Variants in PKHD1L1 observed in about 807,000 individuals in gnomAD.
The protein encoded by PKHD1L1 is fibrocystin-L.
A neutral mutation model predicts 462.9 loss-of-function variants in PKHD1L1; 434 were observed. That is an observed-to-expected ratio of 0.94 (90% confidence interval 0.87 to 1.02). PKHD1L1 has a LOEUF of 1.02. Among genes scored for constraint, PKHD1L1 ranks in the 50% least tolerant of loss-of-function variants. PKHD1L1 has a pLI of 0.00. For synonymous variants in PKHD1L1, 1,781 were observed against 1,750.0 expected (o/e 1.02, Z -0.44); for missense variants, 5,202 against 5,096.1 (o/e 1.02, Z -0.63).
chr8:109,465,045 T>C lies in PKHD1L1; in HGVS notation c.8213T>C (p.Val2738Ala), dbSNP rs777767619. 1 of 1,613,838 alleles carries C rather than the reference T, an allele frequency of 6.2e-7. No individual in the cohort carries two copies. Among genetic ancestry groups the C allele is most frequent in the Non-Finnish European group, 8.5e-7 (1 of 1,179,808 alleles). ...CTCCCATTTAGTGAAGGCTTGACTG[T>C]CTCTTCTGTGCACTTTATGAACTTT... ...LVLPFSEGLT[V>A]SSVHFMNFDR... The change falls in exon 49 of 78, where the codon GTC becomes GCC. Residue 2738 changes from valine to alanine, a missense_variant. This residue lies in a region of PKHD1L1 where 4,497 missense variants were observed against 4,336.8 expected (regional missense o/e 1.04). Transcript: ENST00000378402.
chr8:109,422,516 C>T (rs1814527226), intron 23 of PKHD1L1, among the ~76,000 whole-genome samples: 1 of 152,152 alleles, frequency 6.6e-6, no homozygotes, highest in Non-Finnish European at 1.5e-5. Flanking sequence ...TTTAACTCAG[C>T]ATAATTCCCT....
In PKHD1L1 at chr8:109,464,234, G is replaced by A. The variant is rs1197009898; in HGVS notation, c.7402G>A (p.Ala2468Thr). 6.3e-7 allele frequency: 1 copy of A among 1,599,354 alleles called. No homozygotes were observed. The highest frequency in any genetic ancestry group is 8.6e-7 in the Non-Finnish European group (1 of 1,168,756). The change falls in exon 49 of 78, where the codon GCT becomes ACT. Residue 2468 changes from alanine to threonine, a missense_variant. Ala to Thr is a moderately conservative substitution (Grantham distance 58). Around this residue, in one of 3 missense-constraint regions of PKHD1L1, gnomAD observed 4,497 missense variants for 4,336.8 expected, o/e 1.04. Transcript: ENST00000378402. ...EYVEVFHAGQ[A>T]FRLGRYPIHW... ...TTAACAGGTATTCCATGCTGGCCAG[G>A]CTTTCCGGTTGGGGCGATATCCAAT...
intron 5 of PKHD1L1, among the ~76,000 whole-genome samples, chr8:109,385,263 T>TC (rs1414987109): frequency 6.6e-6 from 1 of 151,434 alleles, no homozygotes; most frequent in Non-Finnish European, 1.5e-5. Flanking sequence ...TTTTTTTTTT[T>TC]CTCAAATAGT....
intron 50 of PKHD1L1, chr8:109,470,497 C>G (rs1817662630): frequency 6.2e-7 from 1 of 1,610,298 alleles, no homozygotes; most frequent in African/African-American, 1.3e-5. Flanking sequence ...ATCACAGCAA[C>G]TGGCTGGAAA....
chr8:109,460,733 G>T (rs1201660933), intron 47 of PKHD1L1, among the ~76,000 whole-genome samples: 2 of 152,146 alleles, frequency 1.3e-5, no homozygotes, highest in African/African-American at 4.8e-5. Context: ...AGCCCAAAAT[G>T]TCAGTGATTT....
In PKHD1L1 at chr8:109,442,946, G is replaced by GGTTGT; in HGVS notation, c.4394_4395insGTTGT (p.Ser1466LeufsTer74). 6.2e-7 allele frequency: 1 copy of GGTTGT among 1,611,370 alleles called. No homozygotes were observed. Among genetic ancestry groups the GGTTGT allele is most frequent in the Admixed American group, 1.7e-5 (1 of 59,916 alleles). On this transcript the variant is annotated frameshift_variant and splice_region_variant, in exon 36 of 78. Coordinates refer to ENST00000378402, the MANE Select transcript of PKHD1L1 (RefSeq NM_177531.6). LOFTEE classifies it high-confidence loss of function. The stretch of plus-strand genomic sequence containing the variant: ...TACGTACAATCTCATTTTATGGCAG[G>GGTTGT]TTCATTTTCTTACCAATTTACTTCT...
chr8:109,414,254 C>T (rs141617489), intron 21 of PKHD1L1, among the ~76,000 whole-genome samples: 3 of 152,172 alleles, frequency 2.0e-5, no homozygotes, highest in Non-Finnish European at 2.9e-5. Flanking sequence ...CTATTTTATA[C>T]AGTACTCCCC....
At chr8:109,518,627 A>T in intron 73 of PKHD1L1, 119 bp downstream of exon 73, 1 of 780,820 alleles carries the variant, frequency 1.3e-6, no homozygotes, top group African/African-American at 1.8e-5. Context: ...CACATCCTGA[A>T]CCCTCTAAGT....
rs752416189 is a variant in PKHD1L1, at chr8:109,526,980, A to G, written c.12681A>G (p.Glu4227=). The G allele has an allele frequency of 1.1e-5, 18 of 1,613,498 alleles. No individual in the cohort carries two copies. Among genetic ancestry groups the G allele is most frequent in the Admixed American group, 6.7e-5 (4 of 59,948 alleles). The change falls in exon 77 of 78, where the codon GAA becomes GAG. Residue 4227 remains glutamate (E), a synonymous_variant. Transcript: ENST00000378402. ...SCLVGRMWLL[E]IFMAAVSTLN... ...TGGTTGGAAGAATGTGGCTCTTGGA[A>G]ATATTTATGGCTGCAGTTTCAACTT...
chr8:109,501,021 A>G (rs1486395351), intron 67 of PKHD1L1, among the ~76,000 whole-genome samples: 1 of 152,198 alleles, frequency 6.6e-6, no homozygotes, highest in Non-Finnish European at 1.5e-5. Context: ...TAGTATTGGA[A>G]GCACAAGTTT....
chr8:109,520,507 T>A (rs1783171), intron 73 of PKHD1L1, among the ~76,000 whole-genome samples: 1 of 151,888 alleles, frequency 6.6e-6, no homozygotes, highest in Non-Finnish European at 1.5e-5. Flanking sequence ...TCCAGACAGG[T>A]ATAAGACCAC....
rs530032785 is a variant in PKHD1L1, at chr8:109,451,209, G to A, written c.6350+60G>A. 3.3e-6 allele frequency: 5 copies of A among 1,493,092 alleles called. No individual in the cohort carries two copies. In the African/African-American group the frequency reaches 4.1e-5, roughly 12 times the overall value. 92.5% of individuals were successfully genotyped at this position (1,493,092 alleles called of 1,614,324 possible). A position where few individuals can be genotyped will look rare whatever the true frequency, so the allele number is the denominator to read the frequency against. On this transcript the variant is annotated intron_variant, in intron 41 of 77. Transcript: ENST00000378402. ...TTTCCAGACTTGAGCCATTACTCCTGCTTTCTCCTATGCCCGGACAGTGCA... is the reference window on the plus strand; with the variant it reads ...TTTCCAGACTTGAGCCATTACTCCTACTTTCTCCTATGCCCGGACAGTGCA...
At chr8:109,519,911 G>T (rs1208686454) in intron 73 of PKHD1L1, among the ~76,000 whole-genome samples, 1 of 152,088 alleles carries the variant, frequency 6.6e-6, no homozygotes, top group Non-Finnish European at 1.5e-5. Context: ...CAGGCTCTGT[G>T]TAAACCTGGG....
At chr8:109,404,864 A>T (rs1243029778) in intron 15 of PKHD1L1, 131 bp from the exon 16 acceptor site, 6 of 1,130,100 alleles carry the variant, frequency 5.3e-6, no homozygotes, top group Non-Finnish European at 7.3e-6. Context: ...TTGTACGATA[A>T]GCCAAAAAGG....
chr8:109,521,893 G>A (rs1432266686), intron 73 of PKHD1L1, among the ~76,000 whole-genome samples: 1 of 152,120 alleles, frequency 6.6e-6, no homozygotes, highest in East Asian at 1.9e-4. Context: ...GTAGGAGAAA[G>A]TATTAAATTA....
At chr8:109,416,458 C>T (rs979160680) in intron 21 of PKHD1L1, among the ~76,000 whole-genome samples, 1 of 152,166 alleles carries the variant, frequency 6.6e-6, no homozygotes, top group Admixed American at 6.6e-5. Context: ...TCAATTCTTC[C>T]AATCCATGAA....
At chr8:109,403,688 G>A (rs1231361584) in intron 14 of PKHD1L1, among the ~76,000 whole-genome samples, 6 of 152,010 alleles carry the variant, frequency 3.9e-5, no homozygotes, top group Admixed American at 3.3e-4. Context: ...GTTCCATTGG[G>A]CAATGATCCA....
In PKHD1L1 at chr8:109,530,080, G is replaced by T. The variant is rs1419148671; in HGVS notation, c.12722G>T (p.Arg4241Ile). The change falls in exon 78 of 78, where the codon AGA becomes ATA. Residue 4241 changes from arginine to isoleucine, a missense_variant and splice_region_variant. Physicochemically the swap from Arg to Ile is moderately conservative, Grantham distance 97 (BLOSUM62 -3). Around this residue, in one of 3 missense-constraint regions of PKHD1L1, gnomAD observed 698 missense variants for 736.3 expected, o/e 0.95. Transcript: ENST00000378402. ...AAVSTLNITL[R>I]SY is the part of the protein sequence containing the mutation. The stretch of plus-strand genomic sequence containing the variant: ...GTTTTGTATTGTTTCCATTTTTCAG[G>T]AAGCTACTAAAGTGCTGTTCCGAAG... The T allele has an allele frequency of 2.2e-6, 3 of 1,355,644 alleles. No homozygotes were observed. In the African/African-American group the frequency reaches 4.6e-5, roughly 21 times the overall value. The allele number at this position is 1,355,644 out of a possible 1,614,324, so 84.0% of individuals were successfully genotyped here.
intron 22 of PKHD1L1, among the ~76,000 whole-genome samples, chr8:109,420,200 C>A (rs1444589536): frequency 6.6e-6 from 1 of 152,146 alleles, no homozygotes; most frequent in Non-Finnish European, 1.5e-5. Flanking sequence ...AGCTAACTAA[C>A]CACAGAAGGC....
Sources: gnomAD v4.1 joint callset for allele counts (sites outside exome capture counted in the v4.1 genomes callset) on GRCh38, gnomAD v4.1.1 for gene constraint, gnomAD v4.1.1 regional missense constraint, MANE v1.5 for transcripts, NCBI Gene and HGNC (gene_info 2026-07-23, HGNC 2026-07-21) for gene names.